The following SLIT2 variants were observed in gnomAD, a reference collection of about 807,000 sequenced individuals.
SLIT2 encodes the protein slit guidance ligand 2.
Under a neutral mutation model 185.7 loss-of-function variants are expected in SLIT2, and 41 were observed. The observed-to-expected ratio is 0.22, with a 90% CI of 0.17 to 0.29. The LOEUF (loss-of-function observed/expected upper bound fraction) is 0.29, where lower values mean the gene tolerates loss of function less well. SLIT2 is among the 10% of genes least tolerant of loss of function. The probability of loss-of-function intolerance (pLI) is 1.00; values close to 1 mark genes in which losing one functional copy is unlikely to be tolerated. For synonymous variants in SLIT2, 693 were observed against 680.2 expected (o/e 1.02, Z -0.29); for missense variants, 1,571 against 1,909.0 (o/e 0.82, Z 3.30).
intron 4 of SLIT2, among the ~76,000 whole-genome samples, chr4:20,426,012 A>T (rs527959591): frequency 2.0e-5 from 3 of 152,144 alleles, no homozygotes; most frequent in African/African-American, 7.2e-5. Context: ...TAAACCTGTG[A>T]TTTTTTTCCT....
Position 20,417,761 on chromosome 4 carries a change from G to A in SLIT2, c.396-49991G>A, listed in dbSNP as rs537934952. 1.2e-4 allele frequency among the ~76,000 whole-genome samples: 18 copies of A among 151,584 alleles called. No individual in the cohort carries two copies. The South Asian group carries it at 3.1e-3, about 26-fold the overall frequency. ...TCTCGATCTCTTGAGCTTGTGATCC[G>A]CCCGCCTCAGCCTCCCAAAGTGCTG... On this transcript the variant is annotated intron_variant, in intron 4 of 36. Transcript: ENST00000504154.
intron 4 of SLIT2, among the ~76,000 whole-genome samples, chr4:20,271,642 C>A (rs1258439143): frequency 6.6e-6 from 1 of 151,184 alleles, no homozygotes; most frequent in Non-Finnish European, 1.5e-5. Context: ...AATTTCTTTT[C>A]TTAGTTATTG....
chr4:20,411,204 C>G (rs1201740192), intron 4 of SLIT2, among the ~76,000 whole-genome samples: 4 of 152,106 alleles, frequency 2.6e-5, no homozygotes, highest in African/African-American at 9.7e-5. Flanking sequence ...CACTGGCTTC[C>G]TCATTTTTTG....
At chr4:20,350,423 C>G (rs2109260775) in intron 4 of SLIT2, among the ~76,000 whole-genome samples, 1 of 152,020 alleles carries the variant, frequency 6.6e-6, no homozygotes, top group African/African-American at 2.4e-5. Context: ...GTTTCAATCT[C>G]TCAAGTCCAT....
At chr4:20,304,070 T>G (rs977052313) in intron 4 of SLIT2, among the ~76,000 whole-genome samples, 3 of 152,178 alleles carry the variant, frequency 2.0e-5, no homozygotes, top group African/African-American at 7.2e-5. Context: ...TTTGAGGGCC[T>G]AGAGGCTTAT....
At chr4:20,491,002 T>A (rs190278004) in intron 8 of SLIT2, among the ~76,000 whole-genome samples, 114 of 152,306 alleles carry the variant, frequency 7.5e-4, no homozygotes, top group African/African-American at 2.6e-3. Flanking sequence ...AGATGCTTAT[T>A]TAATACAACT....
Position 20,567,282 on chromosome 4 carries a change from C to G in SLIT2, c.2746C>G (p.Leu916Val), listed in dbSNP as rs1227297157. ...TTCAGGTCCTGTGGATGTCAATATTCTAGCTAAGTGTAACCCCTGCCTATC... is the reference window on the plus strand; with the variant it reads ...TTCAGGTCCTGTGGATGTCAATATTGTAGCTAAGTGTAACCCCTGCCTATC... ...TCQGPVDVNI[L>V]AKCNPCLSNP... The change falls in exon 27 of 37, where the codon CTA becomes GTA. Residue 916 changes from leucine to valine, a missense_variant. This residue lies in a region of SLIT2 where 1,202 missense variants were observed against 1,416.4 expected (regional missense o/e 0.85). Transcript: ENST00000504154. 5 of 1,610,120 alleles carry G rather than the reference C, an allele frequency of 3.1e-6. No homozygotes were observed. Among genetic ancestry groups the G allele is most frequent in the Non-Finnish European group, 4.2e-6 (5 of 1,178,356 alleles).
At chr4:20,565,875 C>T (rs997260531) in intron 26 of SLIT2, among the ~76,000 whole-genome samples, 2 of 152,004 alleles carry the variant, frequency 1.3e-5, no homozygotes, top group Non-Finnish European at 2.9e-5. Flanking sequence ...CTAAACACTA[C>T]AGGACACTAT....
chr4:20,598,488 C>T (rs1471694370), intron 33 of SLIT2, 93 bp downstream of exon 33: 5 of 1,456,456 alleles, frequency 3.4e-6, no homozygotes, highest in Non-Finnish European at 4.7e-6. Flanking sequence ...AGGAGAGAGA[C>T]TAAGTTGGCC....
chr4:20,488,813 A>G lies in SLIT2; in HGVS notation c.612-6A>G. The G allele has an allele frequency of 6.4e-7, 1 of 1,567,956 alleles. No individual in the cohort carries two copies. The highest frequency in any genetic ancestry group is 2.3e-5 in the East Asian group (1 of 43,990). Reference sequence around the variant, plus strand: ...CTTGCTTTACACTTCTTTTTTTCTCATTTAGTCGACTGCATTCAAACAACC... The same window carrying G: ...CTTGCTTTACACTTCTTTTTTTCTCGTTTAGTCGACTGCATTCAAACAACC... On this transcript the variant is annotated splice_region_variant and splice_polypyrimidine_tract_variant and intron_variant, in intron 7 of 36. Transcript: ENST00000504154.
chr4:20,490,856 G>C (rs180983934), intron 8 of SLIT2: 2 of 1,457,872 alleles, frequency 1.4e-6, no homozygotes, highest in African/African-American at 2.8e-5. Context: ...TATTTTTGTA[G>C]TTTAAGAGCT....
At chr4:20,571,295 A>G (rs1478146310) in intron 29 of SLIT2, among the ~76,000 whole-genome samples, 1 of 152,204 alleles carries the variant, frequency 6.6e-6, no homozygotes, top group Non-Finnish European at 1.5e-5. Context: ...AGAATCAACA[A>G]AAATACTAAA....
intron 28 of SLIT2, 77 bp from the exon 29 acceptor site, chr4:20,568,787 CT>C: frequency 7.4e-7 from 1 of 1,346,788 alleles, no homozygotes; most frequent in Non-Finnish European, 1.0e-6. Flanking sequence ...TGTAATTATG[CT>C]TTTTTCAATA....
chr4:20,586,686 C>A (rs1386833312), intron 29 of SLIT2, among the ~76,000 whole-genome samples: 1 of 152,018 alleles, frequency 6.6e-6, no homozygotes, highest in Non-Finnish European at 1.5e-5. Context: ...CAAATATATA[C>A]CATGTATATG....
At chr4:20,618,689 T>C in intron 36 of SLIT2, 79 bp from the exon 37 acceptor site, 1 of 1,420,536 alleles carries the variant, frequency 7.0e-7, no homozygotes. Flanking sequence ...GCTTCTGAAT[T>C]AAGTTGTGGA....
At chr4:20,396,254 G>T (rs1233959417) in intron 4 of SLIT2, among the ~76,000 whole-genome samples, 1 of 151,898 alleles carries the variant, frequency 6.6e-6, no homozygotes, top group Non-Finnish European at 1.5e-5. Flanking sequence ...TTATGTGCAA[G>T]ATACTGTCAT....
At chr4:20,275,209 T>G (rs1577354275) in intron 4 of SLIT2, among the ~76,000 whole-genome samples, 1 of 152,168 alleles carries the variant, frequency 6.6e-6, no homozygotes, top group East Asian at 1.9e-4. Context: ...CTTTATGTTT[T>G]AAGACACTGA....
intron 4 of SLIT2, among the ~76,000 whole-genome samples, chr4:20,461,222 A>G (rs1713672290): frequency 6.6e-6 from 1 of 152,216 alleles, no homozygotes; most frequent in South Asian, 2.1e-4. Context: ...AAGCTGAACG[A>G]TATGGAAGAT....
rs993854843 is a variant in SLIT2, at chr4:20,467,808, T to C, written c.452T>C (p.Val151Ala). Residue 151 changes from valine (V) to alanine (A), a missense_variant, in exon 5 of 37, where the codon GTT becomes GCT. By Grantham distance (64) the Val-to-Ala change is moderately conservative. This residue lies in a region of SLIT2 where 1,202 missense variants were observed against 1,416.4 expected (regional missense o/e 0.85). Coordinates refer to ENST00000504154, the MANE Select transcript of SLIT2 (RefSeq NM_004787.4). ...CCAAGGAAAGCTTTCCGTGGGGCAG[T>C]TGACATAAAAAATTTGTAAGTATCT... is the stretch of plus-strand genomic sequence containing the variant. The part of the protein sequence containing the change: ...AIPRKAFRGA[V>A]DIKNLQLDYN... 9 of 1,587,524 alleles carry C rather than the reference T, an allele frequency of 5.7e-6. No homozygotes were observed. In the African/African-American group the frequency reaches 8.1e-5, roughly 14 times the overall value.
Sources: allele counts gnomAD v4.1 joint callset (sites outside exome capture counted in the v4.1 genomes callset), GRCh38; gene constraint gnomAD v4.1.1; regional missense constraint gnomAD v4.1.1; transcripts MANE v1.5; gene names NCBI Gene and HGNC (gene_info 2026-07-23, HGNC 2026-07-21).